Variants in GRIK3 observed in about 807,000 individuals in gnomAD.
GRIK3 encodes glutamate ionotropic receptor kainate type subunit 3, also known as glutamate receptor ionotropic, kainate 3.
A neutral mutation model predicts 102.5 loss-of-function variants in GRIK3; 29 were observed. That is an observed-to-expected ratio of 0.28 (90% confidence interval 0.21 to 0.39). GRIK3 has a LOEUF of 0.39. Among genes scored for constraint, GRIK3 ranks in the 10% least tolerant of loss-of-function variants. The probability of loss-of-function intolerance (pLI) is 1.00; values close to 1 mark genes in which losing one functional copy is unlikely to be tolerated. For synonymous variants in GRIK3, 511 were observed against 504.9 expected, an observed-to-expected ratio of 1.01 and a Z score of -0.16; for missense variants, 908 against 1,252.4, an observed-to-expected ratio of 0.73 and a Z score of 4.15.
chr1:36,966,686 C>T (rs1356828874), intron 1 of GRIK3, among the ~76,000 whole-genome samples: 1 of 151,994 alleles, frequency 6.6e-6, no homozygotes, highest in Non-Finnish European at 1.5e-5. Flanking sequence ...ACTCTGAATA[C>T]CACTGAATCC....
chr1:36,987,439 G>C (rs962101769), intron 1 of GRIK3, among the ~76,000 whole-genome samples: 1 of 152,206 alleles, frequency 6.6e-6, no homozygotes, highest in Non-Finnish European at 1.5e-5. Flanking sequence ...AGGGAATGGA[G>C]CCAAGAAGGG....
intron 1 of GRIK3, among the ~76,000 whole-genome samples, chr1:37,010,024 G>C (rs1642576161): frequency 6.6e-6 from 1 of 152,226 alleles, no homozygotes; most frequent in Non-Finnish European, 1.5e-5. Context: ...AGAGTCTTCA[G>C]AGAGGCCAGC....
chr1:36,845,242 A>C (rs1372172743), intron 9 of GRIK3, among the ~76,000 whole-genome samples: 2 of 152,178 alleles, frequency 1.3e-5, no homozygotes, highest in African/African-American at 4.8e-5. Context: ...CCAATTCACA[A>C]GCTCTCTCGG....
chr1:37,001,080 T>C (rs1642471181), intron 1 of GRIK3, among the ~76,000 whole-genome samples: 1 of 152,260 alleles, frequency 6.6e-6, no homozygotes, highest in Non-Finnish European at 1.5e-5. Context: ...GAGAGATTCC[T>C]GGGATTATCA....
At chr1:36,839,665 C>T (rs1303419420) in intron 10 of GRIK3, among the ~76,000 whole-genome samples, 1 of 152,204 alleles carries the variant, frequency 6.6e-6, no homozygotes, top group African/African-American at 2.4e-5. Context: ...TTCCCTTTTA[C>T]AGATGCAGAA....
chr1:36,936,058 G>C (rs1641654198), intron 1 of GRIK3, among the ~76,000 whole-genome samples: 1 of 152,188 alleles, frequency 6.6e-6, no homozygotes, highest in South Asian at 2.1e-4. Context: ...AGGGAATGGG[G>C]CTATTTTGGC....
At chr1:36,972,840 C>T (rs1315725570) in intron 1 of GRIK3, among the ~76,000 whole-genome samples, 1 of 152,212 alleles carries the variant, frequency 6.6e-6, no homozygotes, top group Non-Finnish European at 1.5e-5. Flanking sequence ...ACCCTTTTCT[C>T]TCTACTAGAC....
At chr1:36,954,934 C>T (rs527829754) in intron 1 of GRIK3, among the ~76,000 whole-genome samples, 42 of 152,348 alleles carry the variant, frequency 2.8e-4, no homozygotes, top group African/African-American at 9.4e-4. Context: ...TTCACACACA[C>T]GAACACACAC....
intron 1 of GRIK3, among the ~76,000 whole-genome samples, chr1:36,971,796 G>A (rs1642144673): frequency 6.6e-6 from 1 of 152,130 alleles, no homozygotes; most frequent in Admixed American, 6.5e-5. Flanking sequence ...ACAGTCATCA[G>A]CATCCACATT....
At chr1:37,003,190 C>A (rs139296745) in intron 1 of GRIK3, among the ~76,000 whole-genome samples, 1 of 151,814 alleles carries the variant, frequency 6.6e-6, no homozygotes, top group East Asian at 1.9e-4. Flanking sequence ...AGTTTTGCTG[C>A]TAAGAAATAT....
chr1:36,837,758 T>A (rs561434955), intron 10 of GRIK3, among the ~76,000 whole-genome samples: 17 of 152,136 alleles, frequency 1.1e-4, no homozygotes, highest in African/African-American at 3.9e-4. Flanking sequence ...ACTCTTGGGG[T>A]TCTGCCTCTG....
intron 1 of GRIK3, among the ~76,000 whole-genome samples, chr1:36,966,789 C>T (rs1170285132): frequency 6.6e-6 from 1 of 152,050 alleles, no homozygotes; most frequent in Non-Finnish European, 1.5e-5. Flanking sequence ...TTGGCATTCT[C>T]ATACTCATAT....
At chr1:37,031,048 G>A (rs1269171699) in intron 1 of GRIK3, among the ~76,000 whole-genome samples, 1 of 152,174 alleles carries the variant, frequency 6.6e-6, no homozygotes, top group Non-Finnish European at 1.5e-5. Flanking sequence ...GGTCACTGAA[G>A]CCCGTTTGGC....
chr1:36,912,182 C>T (rs1641352356), intron 1 of GRIK3, among the ~76,000 whole-genome samples: 1 of 152,128 alleles, frequency 6.6e-6, no homozygotes, highest in Non-Finnish European at 1.5e-5. Context: ...CCTTGTGCAA[C>T]AGACATGATC....
intron 1 of GRIK3, among the ~76,000 whole-genome samples, chr1:37,000,473 G>A (rs1256808124): frequency 6.6e-6 from 1 of 152,168 alleles, no homozygotes; most frequent in Non-Finnish European, 1.5e-5. Flanking sequence ...GAAGTTGAGA[G>A]AGGAAAATGA....
At chr1:36,957,483 C>A (rs1641930637) in intron 1 of GRIK3, among the ~76,000 whole-genome samples, 1 of 124,544 alleles carries the variant, frequency 8.0e-6, no homozygotes, top group Non-Finnish European at 1.8e-5. Context: ...TGAGTCTGTG[C>A]CCCGTGAGCC....
At chr1:37,006,727 G>T (rs1433023736) in intron 1 of GRIK3, among the ~76,000 whole-genome samples, 1 of 152,256 alleles carries the variant, frequency 6.6e-6, no homozygotes, top group Non-Finnish European at 1.5e-5. Flanking sequence ...GAGTGAGGGA[G>T]GTGGGGCAAT....
At chr1:36,970,466 T>G (rs961526799) in intron 1 of GRIK3, among the ~76,000 whole-genome samples, 1 of 152,212 alleles carries the variant, frequency 6.6e-6, no homozygotes, top group Non-Finnish European at 1.5e-5. Context: ...ACCATTCACC[T>G]CACATCCTTT....
intron 10 of GRIK3, among the ~76,000 whole-genome samples, chr1:36,827,289 C>A (rs1462512971): frequency 6.6e-6 from 1 of 152,148 alleles, no homozygotes; most frequent in African/African-American, 2.4e-5. Flanking sequence ...AATTAATAAC[C>A]TTCCCCTCTG....
Sources: gnomAD v4.1 joint callset for allele counts (sites outside exome capture counted in the v4.1 genomes callset) on GRCh38, gnomAD v4.1.1 for gene constraint, MANE v1.5 for transcripts, NCBI Gene and HGNC (gene_info 2026-07-23, HGNC 2026-07-21) for gene names.